The following LRRC7 variants were observed in gnomAD, a reference collection of about 807,000 sequenced individuals.
The protein encoded by LRRC7 is leucine rich repeat containing 7.
In LRRC7, 23 loss-of-function variants were observed where a neutral mutation model predicts 175.7. That is an observed-to-expected ratio of 0.13 (90% confidence interval 0.09 to 0.19). The LOEUF is 0.19. Among genes scored for constraint, LRRC7 ranks in the 10% least tolerant of loss-of-function variants. LRRC7 has a pLI of 1.00. For missense variants in LRRC7, 1,354 were observed against 1,904.7 expected (o/e 0.71, Z 5.38); for synonymous variants, 685 against 680.9 (o/e 1.01, Z -0.09).
intron 1 of LRRC7, among the ~76,000 whole-genome samples, chr1:69,668,915 C>T (rs1405546470): frequency 6.6e-6 from 1 of 152,078 alleles, no homozygotes; most frequent in Non-Finnish European, 1.5e-5. Context: ...AGCTTTTTTT[C>T]ATATGTTTTT....
intron 2 of LRRC7, among the ~76,000 whole-genome samples, chr1:69,685,609 A>G (rs1424659900): frequency 6.6e-6 from 1 of 152,182 alleles, no homozygotes; most frequent in Admixed American, 6.5e-5. Flanking sequence ...TTGAATCAAT[A>G]GTAGAGTGAA....
In LRRC7 at chr1:70,141,265, A is replaced by T. The variant is rs1455098703; in HGVS notation, c.*19378A>T. 6.6e-6 allele frequency: 1 copy of T among 152,064 alleles called. No individual in the cohort carries two copies. Among genetic ancestry groups the T allele is most frequent in the Non-Finnish European group, 1.5e-5 (1 of 68,006 alleles). 9.4% of individuals were successfully genotyped at this position (152,064 alleles called of 1,614,324 possible). A position where few individuals can be genotyped will look rare whatever the true frequency, so the allele number is the denominator to read the frequency against. On this transcript the variant is annotated 3_prime_UTR_variant, in exon 27 of 27. Transcript: ENST00000651989. ...CTACTGAAAAATAAGGAAATGGAGC[A>T]TGGAGAAAGAAAGGGTTTTTAAGAG...
chr1:69,929,723 C>T (rs964136112), intron 7 of LRRC7, among the ~76,000 whole-genome samples: 1 of 152,122 alleles, frequency 6.6e-6, no homozygotes, highest in Non-Finnish European at 1.5e-5. Context: ...GTTTATAAGC[C>T]TGCAATCACA....
At chr1:70,060,413 A>G (rs1661489193) in intron 23 of LRRC7, among the ~76,000 whole-genome samples, 1 of 152,186 alleles carries the variant, frequency 6.6e-6, no homozygotes, top group Non-Finnish European at 1.5e-5. Flanking sequence ...TATTGCTATC[A>G]GTACTCTGTG....
At chr1:69,839,251 A>G (rs1279553511) in intron 7 of LRRC7, among the ~76,000 whole-genome samples, 3 of 152,136 alleles carry the variant, frequency 2.0e-5, no homozygotes, top group Non-Finnish European at 4.4e-5. Context: ...TTGTCATTGC[A>G]ATATAATGCC....
intron 4 of LRRC7, among the ~76,000 whole-genome samples, chr1:69,799,855 T>C (rs942772267): frequency 1.3e-5 from 2 of 152,138 alleles, no homozygotes; most frequent in African/African-American, 4.8e-5. Flanking sequence ...CTGGATTTTC[T>C]TCTAGTATTT....
intron 2 of LRRC7, among the ~76,000 whole-genome samples, chr1:69,725,921 A>ATCTGTGC (rs1423284843): frequency 6.6e-6 from 1 of 152,210 alleles, no homozygotes; most frequent in East Asian, 1.9e-4. Context: ...TTTCTAAATA[A>ATCTGTGC]TCTGTGCTGA....
intron 3 of LRRC7, among the ~76,000 whole-genome samples, chr1:69,761,792 C>T (rs1275945595): frequency 6.6e-6 from 1 of 152,018 alleles, no homozygotes; most frequent in African/African-American, 2.4e-5. Context: ...ATGAATTTCA[C>T]ATAATAGATA....
In LRRC7 at chr1:69,815,045, C is replaced by T. The variant is rs576297665; in HGVS notation, c.422-10703C>T. On this transcript the variant is annotated intron_variant, in intron 4 of 26. Coordinates refer to ENST00000651989, the MANE Select transcript of LRRC7 (RefSeq NM_001370785.2). ...TTCAAACACATTAGTTGTTCTTTCACTTATAGCTCATTGGGCAAAAATTCT... is the reference window on the plus strand; with the variant it reads ...TTCAAACACATTAGTTGTTCTTTCATTTATAGCTCATTGGGCAAAAATTCT... Among the ~76,000 whole-genome samples, 69 of 152,246 alleles carry T rather than the reference C, an allele frequency of 4.5e-4. No individual in the cohort carries two copies. In the Middle Eastern group the frequency reaches 0.014, roughly 30 times the overall value.
chr1:70,094,760 C>T (rs1189457386), intron 25 of LRRC7, among the ~76,000 whole-genome samples: 2 of 152,056 alleles, frequency 1.3e-5, no homozygotes, highest in Non-Finnish European at 2.9e-5. Context: ...CAGAGGCATG[C>T]GGGGCAACGG....
At chr1:70,119,359 A>G (rs1196415157) in intron 26 of LRRC7, among the ~76,000 whole-genome samples, 1 of 152,076 alleles carries the variant, frequency 6.6e-6, no homozygotes, top group African/African-American at 2.4e-5. Context: ...GGCTCATTCT[A>G]CATGCGGCAT....
chr1:69,668,903 T>A (rs183904625), intron 1 of LRRC7, among the ~76,000 whole-genome samples: 107 of 152,338 alleles, frequency 7.0e-4, no homozygotes, highest in African/African-American at 2.4e-3. Context: ...CAAGTGATGA[T>A]GAGCTTTTTT....
At chr1:69,832,629 G>A (rs1680655044) in intron 5 of LRRC7, among the ~76,000 whole-genome samples, 1 of 151,956 alleles carries the variant, frequency 6.6e-6, no homozygotes, top group African/African-American at 2.4e-5. Flanking sequence ...GGAAGGACAT[G>A]GAAAAATGGT....
chr1:70,056,103 G>A (rs114939123), intron 23 of LRRC7, among the ~76,000 whole-genome samples: 73 of 152,298 alleles, frequency 4.8e-4, no homozygotes, highest in Admixed American at 1.6e-3. Flanking sequence ...TAAGGCATCC[G>A]AGTGGAAATG....
chr1:70,114,548 C>T (rs1665729006), intron 26 of LRRC7, among the ~76,000 whole-genome samples: 1 of 151,928 alleles, frequency 6.6e-6, no homozygotes, highest in Non-Finnish European at 1.5e-5. Flanking sequence ...ATTAGCCAGG[C>T]GTGATGGCAC....
At chr1:69,601,692 A>C (rs971356641) in intron 1 of LRRC7, among the ~76,000 whole-genome samples, 5 of 152,228 alleles carry the variant, frequency 3.3e-5, no homozygotes, top group African/African-American at 4.8e-5. Context: ...ATATCAATAT[A>C]TAAAACTTTT....
intron 11 of LRRC7, among the ~76,000 whole-genome samples, chr1:70,002,281 T>C (rs939762063): frequency 1.3e-5 from 2 of 152,180 alleles, no homozygotes; most frequent in Non-Finnish European, 2.9e-5. Context: ...AAATCCCTTC[T>C]TCTCTATGGG....
chr1:69,720,067 T>C (rs938854521), intron 2 of LRRC7, among the ~76,000 whole-genome samples: 1 of 151,600 alleles, frequency 6.6e-6, no homozygotes, highest in Non-Finnish European at 1.5e-5. Context: ...TCTGACAGTA[T>C]TGATATTTAC....
chr1:69,638,189 A>G (rs1653688621), intron 1 of LRRC7, among the ~76,000 whole-genome samples: 1 of 151,908 alleles, frequency 6.6e-6, no homozygotes, highest in Non-Finnish European at 1.5e-5. Context: ...ATTTAAATAC[A>G]AGAAAGTAAT....
Sources: allele counts gnomAD v4.1 joint callset (sites outside exome capture counted in the v4.1 genomes callset), GRCh38; gene constraint gnomAD v4.1.1; transcripts MANE v1.5; gene names NCBI Gene and HGNC (gene_info 2026-07-23, HGNC 2026-07-21).